PRKD1: variants seen among roughly 807,000 people sequenced by gnomAD.
The protein encoded by PRKD1 is protein kinase D1, also known as serine/threonine-protein kinase D1.
A neutral mutation model predicts 95.9 loss-of-function variants in PRKD1; 63 were observed. The observed-to-expected ratio is 0.66, with a 90% CI of 0.54 to 0.81. The LOEUF is 0.81. PRKD1 is among the 30% of genes least tolerant of loss of function. PRKD1 has a pLI of 0.00. For synonymous variants in PRKD1, 425 were observed against 423.1 expected, an observed-to-expected ratio of 1.00 and a Z score of -0.05; for missense variants, 1,048 against 1,165.3, an observed-to-expected ratio of 0.90 and a Z score of 1.47.
chr14:29,716,838 A>C (rs1057462187), intron 2 of PRKD1, among the ~76,000 whole-genome samples: 1 of 152,180 alleles, frequency 6.6e-6, no homozygotes, highest in Non-Finnish European at 1.5e-5. Context: ...GGAATCATAG[A>C]AATTAGGAAA....
intron 2 of PRKD1, among the ~76,000 whole-genome samples, chr14:29,717,222 A>G (rs184434654): frequency 3.0e-4 from 45 of 152,296 alleles, no homozygotes; most frequent in Admixed American, 2.7e-3. Context: ...ACCAGATCCT[A>G]AAGTTTCAAA....
At chr14:29,739,166 C>G (rs1886876043) in intron 1 of PRKD1, among the ~76,000 whole-genome samples, 2 of 152,176 alleles carry the variant, frequency 1.3e-5, no homozygotes, top group African/African-American at 2.4e-5. Flanking sequence ...ATGCCTAACA[C>G]CAGGTGTCTA....
chr14:29,677,111 G>A (rs73257521), intron 2 of PRKD1, among the ~76,000 whole-genome samples: 3,737 of 152,002 alleles, frequency 0.025, 150 homozygotes, highest in African/African-American at 0.085. Context: ...CCATATAGCC[G>A]GTATATACAA....
chr14:29,757,972 T>C (rs1399910264), intron 1 of PRKD1, among the ~76,000 whole-genome samples: 3 of 151,994 alleles, frequency 2.0e-5, no homozygotes, highest in Admixed American at 2.0e-4. Flanking sequence ...TCTCTAAAGC[T>C]GGGACTACAG....
At chr14:29,624,659 A>T (rs537783915) in intron 12 of PRKD1, among the ~76,000 whole-genome samples, 1 of 152,262 alleles carries the variant, frequency 6.6e-6, no homozygotes, top group South Asian at 2.1e-4. Flanking sequence ...GGAAAGAATT[A>T]AAGTCTTGGC....
At chr14:29,620,679 G>A (rs1879187028) in intron 13 of PRKD1, among the ~76,000 whole-genome samples, 1 of 152,038 alleles carries the variant, frequency 6.6e-6, no homozygotes, top group African/African-American at 2.4e-5. Flanking sequence ...GGAAACAACA[G>A]CTGCTGGAGA....
chr14:29,819,517 C>T (rs1286062720), intron 1 of PRKD1, among the ~76,000 whole-genome samples: 3 of 152,072 alleles, frequency 2.0e-5, no homozygotes, highest in South Asian at 2.1e-4. Context: ...AGTGAAACCC[C>T]GTCCCTACTA....
At chr14:29,842,845 G>A (rs1021398817) in intron 1 of PRKD1, among the ~76,000 whole-genome samples, 8 of 152,148 alleles carry the variant, frequency 5.3e-5, no homozygotes, top group African/African-American at 1.9e-4. Context: ...TATGGACCAG[G>A]CAGAGGGTTA....
chr14:29,582,536 C>T (rs566171160), intron 16 of PRKD1, among the ~76,000 whole-genome samples: 1 of 152,318 alleles, frequency 6.6e-6, no homozygotes, highest in African/African-American at 2.4e-5. Flanking sequence ...CAGCTCTGAA[C>T]ATTTACCCAT....
At chr14:29,795,317 T>C (rs1889765511) in intron 1 of PRKD1, among the ~76,000 whole-genome samples, 1 of 152,010 alleles carries the variant, frequency 6.6e-6, no homozygotes, top group Non-Finnish European at 1.5e-5. Flanking sequence ...TTAATTACAT[T>C]CAATCTCTTT....
At chr14:29,609,028 G>C (rs1013779741) in intron 13 of PRKD1, among the ~76,000 whole-genome samples, 1 of 152,128 alleles carries the variant, frequency 6.6e-6, no homozygotes, top group African/African-American at 2.4e-5. Flanking sequence ...CCACCCTCTT[G>C]TGAACAGGTG....
intron 1 of PRKD1, among the ~76,000 whole-genome samples, chr14:29,746,006 G>A (rs1887199319): frequency 6.6e-6 from 1 of 152,102 alleles, no homozygotes; most frequent in Non-Finnish European, 1.5e-5. Context: ...AATAAAAGCA[G>A]TATTTATTTT....
At chr14:29,923,611 T>C (rs556054965) in intron 1 of PRKD1, among the ~76,000 whole-genome samples, 1 of 152,136 alleles carries the variant, frequency 6.6e-6, no homozygotes, top group African/African-American at 2.4e-5. Flanking sequence ...CTACTTAAAA[T>C]CTCACTGTTA....
intron 1 of PRKD1, among the ~76,000 whole-genome samples, chr14:29,748,433 C>T (rs1887330048): frequency 6.6e-6 from 1 of 152,130 alleles, no homozygotes; most frequent in Admixed American, 6.5e-5. Flanking sequence ...TCATCATTTC[C>T]ACGACTGAAA....
At chr14:29,619,989 G>A (rs1383982294) in intron 13 of PRKD1, among the ~76,000 whole-genome samples, 1 of 151,634 alleles carries the variant, frequency 6.6e-6, no homozygotes, top group East Asian at 1.9e-4. Flanking sequence ...TAGATCAATG[G>A]AACAGAACAG....
At chr14:29,828,154 T>A (rs4354828) in intron 1 of PRKD1, among the ~76,000 whole-genome samples, 2,250 of 152,276 alleles carry the variant, frequency 0.015, 62 homozygotes, top group African/African-American at 0.051. Flanking sequence ...AAGGAATACC[T>A]GAGCTTGAGT....
intron 1 of PRKD1, among the ~76,000 whole-genome samples, chr14:29,742,780 A>G (rs1887039741): frequency 6.6e-6 from 1 of 152,246 alleles, no homozygotes; most frequent in African/African-American, 2.4e-5. Context: ...AATATGAAAT[A>G]ACTTCAATTT....
chr14:29,645,059 C>T lies in PRKD1; in HGVS notation c.697-6155G>A, dbSNP rs570838047. On this transcript the variant is annotated intron_variant, in intron 4 of 17. Coordinates refer to ENST00000331968, the MANE Select transcript of PRKD1 (RefSeq NM_002742.3). ...AGAACTACGAATTCAGGTAGTTTTG[C>T]TCCAGATAACAATGATTCCTTTCTC... Among the ~76,000 whole-genome samples the T allele has an allele frequency of 7.9e-5, 12 of 152,246 alleles. No homozygotes were observed. The East Asian group carries it at 2.3e-3, about 29-fold the overall frequency.
intron 1 of PRKD1, among the ~76,000 whole-genome samples, chr14:29,822,902 A>G (rs1470694227): frequency 1.3e-5 from 2 of 152,202 alleles, no homozygotes; most frequent in Non-Finnish European, 2.9e-5. Flanking sequence ...TATTTCTGTG[A>G]AGAATCAAAA....
Sources: gnomAD v4.1 joint callset for allele counts (sites outside exome capture counted in the v4.1 genomes callset) on GRCh38, gnomAD v4.1.1 for gene constraint, MANE v1.5 for transcripts, NCBI Gene and HGNC (gene_info 2026-07-23, HGNC 2026-07-21) for gene names.